Variants in ARHGAP6 observed in about 807,000 individuals in gnomAD.
ARHGAP6 encodes Rho GTPase activating protein 6.
In ARHGAP6, 16 loss-of-function variants were observed where a neutral mutation model predicts 55.7. That is an observed-to-expected ratio of 0.29 (90% CI 0.19 to 0.44). The LOEUF (loss-of-function observed/expected upper bound fraction) is 0.44, where lower values mean the gene tolerates loss of function less well. Among genes scored for constraint, ARHGAP6 ranks in the 20% least tolerant of loss-of-function variants. The probability of loss-of-function intolerance (pLI) is 1.00; values close to 1 mark genes in which losing one functional copy is unlikely to be tolerated. For synonymous variants in ARHGAP6, 382 were observed against 360.9 expected (o/e 1.06, Z -0.66); for missense variants, 698 against 808.9 (o/e 0.86, Z 1.66).
At chrX:11,170,021 C>G (rs7063098) in intron 8 of ARHGAP6, among the ~76,000 whole-genome samples, 2,562 of 111,546 alleles carry the variant, frequency 0.023, 72 homozygotes, top group African/African-American at 0.078. Context: ...TTTCTCCATC[C>G]ATCCCTTCAT....
intron 9 of ARHGAP6, among the ~76,000 whole-genome samples, chrX:11,163,000 A>T (rs549085477): frequency 8.9e-6 from 1 of 112,340 alleles, no homozygotes; most frequent in East Asian, 2.8e-4. Flanking sequence ...CTGCATGTTA[A>T]AAAGAAGAAA....
At chrX:11,211,991 C>T (rs970696662) in intron 2 of ARHGAP6, among the ~76,000 whole-genome samples, 2 of 111,426 alleles carry the variant, frequency 1.8e-5, no homozygotes, top group South Asian at 3.8e-4. Flanking sequence ...ATTAATCAAC[C>T]CAGTGCCCCT....
At chrX:11,461,928 T>C (rs2050249406) in intron 1 of ARHGAP6, among the ~76,000 whole-genome samples, 1 of 111,794 alleles carries the variant, frequency 8.9e-6, no homozygotes, top group Non-Finnish European at 1.9e-5. Flanking sequence ...GCAGACTGCC[T>C]GAAGCCCAGG....
chrX:11,657,278 AG>A (rs72213880), intron 1 of ARHGAP6, among the ~76,000 whole-genome samples: 21,698 of 108,915 alleles, frequency 0.2, 2,331 homozygotes, highest in African/African-American at 0.39. Flanking sequence ...GTGACCAAGA[AG>A]GGGGTCACAG....
chrX:11,296,653 A>T (rs1234082209), intron 1 of ARHGAP6: 1 of 803,389 alleles, frequency 1.2e-6, no homozygotes, highest in Non-Finnish European at 1.8e-6. Flanking sequence ...AGATTTTTTT[A>T]AAGTAGCTTC....
At chrX:11,572,617 T>G (rs1361971799) in intron 1 of ARHGAP6, among the ~76,000 whole-genome samples, 4 of 111,637 alleles carry the variant, frequency 3.6e-5, no homozygotes, top group African/African-American at 1.3e-4. Context: ...GTTCCAAGAC[T>G]TTGCTATTGT....
At chrX:11,538,202 T>C (rs932535230) in intron 1 of ARHGAP6, among the ~76,000 whole-genome samples, 12 of 112,108 alleles carry the variant, frequency 1.1e-4, no homozygotes, top group African/African-American at 3.6e-4. Context: ...TTTGATCTTT[T>C]TAAATATTGA....
intron 1 of ARHGAP6, among the ~76,000 whole-genome samples, chrX:11,326,963 C>A (rs1342693923): frequency 1.8e-5 from 2 of 111,703 alleles, no homozygotes; most frequent in African/African-American, 6.5e-5. Context: ...CCACTGATTT[C>A]ATGATAAGTA....
chrX:11,237,980 C>T (rs985245678), intron 2 of ARHGAP6, among the ~76,000 whole-genome samples: 1 of 111,621 alleles, frequency 9.0e-6, no homozygotes, highest in Non-Finnish European at 1.9e-5. Flanking sequence ...TGCCAGAGCA[C>T]CCCACCACTG....
chrX:11,154,496 A>G (rs1355558148), intron 10 of ARHGAP6, among the ~76,000 whole-genome samples: 1 of 112,333 alleles, frequency 8.9e-6, no homozygotes, highest in Non-Finnish European at 1.9e-5. Flanking sequence ...ACTTCTATCA[A>G]CTGTTCTTTA....
intron 1 of ARHGAP6, among the ~76,000 whole-genome samples, chrX:11,606,083 G>A (rs2052033110): frequency 9.0e-6 from 1 of 111,668 alleles, no homozygotes; most frequent in African/African-American, 3.3e-5. Flanking sequence ...GTGATGAATA[G>A]GATTTGGGAG....
At chrX:11,454,203 G>A (rs1314263257) in intron 1 of ARHGAP6, among the ~76,000 whole-genome samples, 1 of 100,729 alleles carries the variant, frequency 9.9e-6, no homozygotes, top group Non-Finnish European at 2.0e-5. Flanking sequence ...CTCATGACAC[G>A]CCCGCCTCGG....
intron 2 of ARHGAP6, among the ~76,000 whole-genome samples, chrX:11,212,370 G>A (rs915046926): frequency 6.2e-5 from 7 of 112,233 alleles, no homozygotes; most frequent in African/African-American, 2.3e-4. Context: ...TACAGAGAAA[G>A]GAGTTCCTTC....
At chrX:11,650,761 A>G (rs1009318294) in intron 1 of ARHGAP6, among the ~76,000 whole-genome samples, 5 of 112,660 alleles carry the variant, frequency 4.4e-5, no homozygotes, top group African/African-American at 1.6e-4. Context: ...AAATTAGAAG[A>G]TTAAAATATT....
Position 11,550,963 on chromosome X carries a change from C to T in ARHGAP6, c.588+113278G>A, listed in dbSNP as rs190960976. Among the ~76,000 whole-genome samples, 1,102 of 111,772 alleles carry T rather than the reference C, an allele frequency of 9.9e-3. 15 individuals carry two copies. The highest frequency in any genetic ancestry group is 0.035 in the African/African-American group (1,061 of 30,721). ...TCATCAGTTTGATTTGAATCAGGAA[C>T]AGCCAGTAGAGCATATCTAAGATAA... On this transcript the variant is annotated intron_variant, in intron 1 of 12. Coordinates refer to ENST00000337414, the MANE Select transcript of ARHGAP6 (RefSeq NM_013427.3).
intron 1 of ARHGAP6, among the ~76,000 whole-genome samples, chrX:11,553,988 C>A (rs2051296314): frequency 8.9e-6 from 1 of 111,993 alleles, no homozygotes; most frequent in Admixed American, 9.4e-5. Context: ...AAAACCACAG[C>A]AAATGTTTAA....
intron 1 of ARHGAP6, among the ~76,000 whole-genome samples, chrX:11,479,193 C>T (rs1039713131): frequency 1.8e-5 from 2 of 112,100 alleles, no homozygotes; most frequent in Non-Finnish European, 1.9e-5. Context: ...AGGGCTGTGT[C>T]TTGGAAGGTT....
intron 2 of ARHGAP6, among the ~76,000 whole-genome samples, chrX:11,232,555 C>T (rs991241237): frequency 9.0e-6 from 1 of 111,643 alleles, no homozygotes; most frequent in Non-Finnish European, 1.9e-5. Context: ...ATCGCTTGAA[C>T]CCAGGAGGTA....
At chrX:11,271,661 T>C (rs112374670) in intron 1 of ARHGAP6, among the ~76,000 whole-genome samples, 2,885 of 112,012 alleles carry the variant, frequency 0.026, 38 homozygotes, top group Middle Eastern at 0.069. Flanking sequence ...TACTGTAAGA[T>C]AATTTATCCT....
Sources: gnomAD v4.1 joint callset for allele counts (sites outside exome capture counted in the v4.1 genomes callset) on GRCh38, gnomAD v4.1.1 for gene constraint, MANE v1.5 for transcripts, NCBI Gene and HGNC (gene_info 2026-07-23, HGNC 2026-07-21) for gene names.